Variants in CTIF observed in about 807,000 individuals in gnomAD.
CTIF encodes cap binding complex dependent translation initiation factor, also known as CBP80/20-dependent translation initiation factor.
In CTIF, 21 loss-of-function variants were observed where a neutral mutation model predicts 66.0. The ratio of observed to expected loss-of-function variants is 0.32; its 90% CI spans 0.23 to 0.46. The LOEUF is 0.46. Ranked by LOEUF, CTIF falls within the 20% of genes least tolerant of loss-of-function variation. The pLI, the probability that CTIF is intolerant of heterozygous loss-of-function variation, is 1.00. For synonymous variants in CTIF, 345 were observed against 326.4 expected (o/e 1.06, Z -0.62); for missense variants, 739 against 812.7 (o/e 0.91, Z 1.10).
chr18:48,774,112 G>A (rs1910432021), intron 9 of CTIF, among the ~76,000 whole-genome samples: 1 of 152,134 alleles, frequency 6.6e-6, no homozygotes, highest in African/African-American at 2.4e-5. Context: ...TGGAAGGGAG[G>A]CGCTGTTGCA....
At chr18:48,684,967 T>C (rs949272150) in intron 6 of CTIF, among the ~76,000 whole-genome samples, 12 of 152,180 alleles carry the variant, frequency 7.9e-5, no homozygotes, top group Non-Finnish European at 1.5e-5. Flanking sequence ...TTACATTTTG[T>C]TAATTGTCCC....
At chr18:48,627,599 A>G (rs35944248) in intron 2 of CTIF, among the ~76,000 whole-genome samples, 23,140 of 151,818 alleles carry the variant, frequency 0.15, 1,898 homozygotes, top group South Asian at 0.26. Context: ...CATGCCTGTG[A>G]TCCCAGCTAC....
chr18:48,722,857 G>A (rs528087738), intron 7 of CTIF, among the ~76,000 whole-genome samples: 17 of 152,212 alleles, frequency 1.1e-4, no homozygotes, highest in Non-Finnish European at 2.1e-4. Flanking sequence ...GATGTAGCAG[G>A]CTGTGCATCC....
chr18:48,562,575 A>T (rs184298648), intron 1 of CTIF, among the ~76,000 whole-genome samples: 2 of 152,122 alleles, frequency 1.3e-5, no homozygotes, highest in African/African-American at 4.8e-5. Flanking sequence ...AGGCTATAAC[A>T]TCTGGCAAAT....
chr18:48,815,095 C>T (rs1356159563), intron 9 of CTIF, among the ~76,000 whole-genome samples: 1 of 152,200 alleles, frequency 6.6e-6, no homozygotes, highest in Non-Finnish European at 1.5e-5. Flanking sequence ...ATAAGAGCTG[C>T]TCTTGCCACA....
At chr18:48,818,869 G>T (rs2068424704) in intron 10 of CTIF, among the ~76,000 whole-genome samples, 1 of 152,154 alleles carries the variant, frequency 6.6e-6, no homozygotes, top group African/African-American at 2.4e-5. Context: ...GTCAGCGGAG[G>T]TGAGGACAGG....
chr18:48,619,260 C>T (rs2090450108), intron 1 of CTIF, among the ~76,000 whole-genome samples: 2 of 152,228 alleles, frequency 1.3e-5, no homozygotes. Flanking sequence ...CCTAGGTAGA[C>T]ACTAACTCTG....
chr18:48,748,133 A>T (rs1429610971), intron 7 of CTIF, among the ~76,000 whole-genome samples: 1 of 151,976 alleles, frequency 6.6e-6, no homozygotes, highest in Non-Finnish European at 1.5e-5. Flanking sequence ...GCAGTGAGGA[A>T]GTTCTTCTAG....
Position 48,696,507 on chromosome 18 carries a change from A to G in CTIF, c.508-15112A>G, listed in dbSNP as rs563495729. Among the ~76,000 whole-genome samples the G allele has an allele frequency of 3.3e-5, 5 of 152,216 alleles. No individual in the cohort carries two copies. The South Asian group carries it at 1.0e-3, about 32-fold the overall frequency. ...CAGACATATTGCTCTCTTTATGGGT[A>G]CCGACACCGCTCTTAGTCTGTCTGG... On this transcript the variant is annotated intron_variant, in intron 6 of 11. Coordinates refer to ENST00000256413, the MANE Select transcript of CTIF (RefSeq NM_014772.3).
chr18:48,585,012 T>C (rs981141986), intron 1 of CTIF, among the ~76,000 whole-genome samples: 13 of 152,350 alleles, frequency 8.5e-5, no homozygotes, highest in East Asian at 1.9e-4. Context: ...GAGGCACCTA[T>C]TGGGGGACAG....
At chr18:48,716,221 C>T (rs571846889) in intron 7 of CTIF, among the ~76,000 whole-genome samples, 97 of 152,176 alleles carry the variant, frequency 6.4e-4, no homozygotes, top group Non-Finnish European at 1.2e-3. Flanking sequence ...AGGGTGTGGC[C>T]CCTGCTCTCG....
chr18:48,711,074 G>T (rs2092217474), intron 6 of CTIF, among the ~76,000 whole-genome samples: 1 of 152,192 alleles, frequency 6.6e-6, no homozygotes, highest in Non-Finnish European at 1.5e-5. Flanking sequence ...AAGATCTTGG[G>T]TAAAAATTTC....
Position 48,797,912 on chromosome 18 carries a change from G to C in CTIF, c.1372-19309G>C, listed in dbSNP as rs187015965. Among the ~76,000 whole-genome samples the C allele has an allele frequency of 2.6e-4, 39 of 152,326 alleles. No individual in the cohort carries two copies. The East Asian group carries it at 6.9e-3, about 27-fold the overall frequency. ...CTCTCCTTGGATGTTTGCCCAGGAA[G>C]CAGAGCCCTCGGTGGTGGGCAAAGC... On this transcript the variant is annotated intron_variant, in intron 9 of 11. Coordinates refer to ENST00000256413, the MANE Select transcript of CTIF (RefSeq NM_014772.3).
At chr18:48,631,121 C>T (rs2144566710) in intron 2 of CTIF, among the ~76,000 whole-genome samples, 1 of 152,352 alleles carries the variant, frequency 6.6e-6, no homozygotes, top group East Asian at 1.9e-4. Context: ...CTCTCCTCCT[C>T]CTCCAATGCT....
intron 3 of CTIF, among the ~76,000 whole-genome samples, chr18:48,656,589 G>C (rs2091250554): frequency 6.6e-6 from 1 of 152,138 alleles, no homozygotes; most frequent in African/African-American, 2.4e-5. Context: ...CAAGCAAGCT[G>C]TTTCCATTTG....
chr18:48,855,046 G>A (rs1445018621), intron 10 of CTIF, among the ~76,000 whole-genome samples: 1 of 152,224 alleles, frequency 6.6e-6, no homozygotes, highest in East Asian at 1.9e-4. Flanking sequence ...CTGGAGCAGG[G>A]CCTGGTCTGT....
intron 9 of CTIF, among the ~76,000 whole-genome samples, chr18:48,778,185 G>C (rs1483800849): frequency 6.6e-6 from 1 of 152,204 alleles, no homozygotes; most frequent in South Asian, 2.1e-4. Flanking sequence ...CACAGCATGG[G>C]AGCCTGAGCC....
At chr18:48,774,899 G>A (rs939153916) in intron 9 of CTIF, among the ~76,000 whole-genome samples, 5 of 152,094 alleles carry the variant, frequency 3.3e-5, no homozygotes, top group African/African-American at 4.8e-5. Flanking sequence ...GTATTGGAGC[G>A]CCACATATTG....
At position 48,664,436 on chromosome 18, in the gene CTIF, T is replaced by C; in HGVS notation, c.327-11T>C. ...TCTTGCCTCCGTTTCTCACCCTCCC[T>C]CGCCCTCTAGTGGTGCCACCTGGGA... On this transcript the variant is annotated splice_polypyrimidine_tract_variant and intron_variant, in intron 4 of 11. Coordinates refer to ENST00000256413, the MANE Select transcript of CTIF (RefSeq NM_014772.3). The C allele has an allele frequency of 6.2e-7, 1 of 1,611,464 alleles. No individual in the cohort carries two copies. The highest frequency in any genetic ancestry group is 8.5e-7 in the Non-Finnish European group (1 of 1,178,258).
Sources: gnomAD v4.1 joint callset for allele counts (sites outside exome capture counted in the v4.1 genomes callset) on GRCh38, gnomAD v4.1.1 for gene constraint, MANE v1.5 for transcripts, NCBI Gene and HGNC (gene_info 2026-07-23, HGNC 2026-07-21) for gene names.